Variants in TRAPPC12 observed in about 807,000 individuals in gnomAD.
TRAPPC12 encodes TPR repeat protein 15.
A neutral mutation model predicts 69.2 loss-of-function variants in TRAPPC12; 61 were observed. The ratio of observed to expected loss-of-function variants is 0.88; its 90% confidence interval spans 0.72 to 1.09. The LOEUF (loss-of-function observed/expected upper bound fraction) is 1.09, where lower values mean the gene tolerates loss of function less well. TRAPPC12 is among the 50% of genes least tolerant of loss of function. The probability of loss-of-function intolerance (pLI) is 0.00; values close to 1 mark genes in which losing one functional copy is unlikely to be tolerated. For synonymous variants in TRAPPC12, 469 were observed against 438.9 expected (o/e 1.07, Z -0.86); for missense variants, 1,101 against 1,016.4 (o/e 1.08, Z -1.13).
At chr2:3,427,078 G>C (rs1340488640) in intron 5 of TRAPPC12, among the ~76,000 whole-genome samples, 3 of 152,196 alleles carry the variant, frequency 2.0e-5, no homozygotes, top group African/African-American at 7.2e-5. Flanking sequence ...TGTTAATTGG[G>C]GAAGTTTGAG....
intron 9 of TRAPPC12, among the ~76,000 whole-genome samples, chr2:3,477,227 A>G (rs1666332596): frequency 6.6e-6 from 1 of 152,192 alleles, no homozygotes; most frequent in Non-Finnish European, 1.5e-5. Context: ...CTTGTTTTTT[A>G]CAGTTGAATT....
rs891135332 is a variant in TRAPPC12, at chr2:3,479,150, C to T, written c.1966-69C>T. The T allele has an allele frequency of 2.9e-5, 45 of 1,572,636 alleles. No homozygotes were observed. In the African/African-American group the frequency reaches 3.5e-4, roughly 12 times the overall value. ...CCCAGGCCCCTAACACGGCCCAGCA[C>T]GCAGCCTGGAATGGGCGGGCGTCTG... On this transcript the variant is annotated intron_variant, in intron 11 of 11. Transcript: ENST00000324266.
intron 6 of TRAPPC12, chr2:3,456,598 A>G (rs1665167247): frequency 6.5e-6 from 1 of 154,960 alleles, no homozygotes; most frequent in East Asian, 1.9e-4. Flanking sequence ...TTTTTTTTAA[A>G]GACAGGGTCT....
At chr2:3,421,615 T>C in intron 3 of TRAPPC12, 1 of 674,352 alleles carries the variant, frequency 1.5e-6, no homozygotes, top group Non-Finnish European at 2.8e-6. Flanking sequence ...GTTCTATCGG[T>C]TGTTGAATTG....
At position 3,424,513 on chromosome 2, in the gene TRAPPC12, T is replaced by C. The variant is rs1464535453; in HGVS notation, c.1279-12T>C. On this transcript the variant is annotated splice_polypyrimidine_tract_variant and intron_variant, in intron 4 of 11. Coordinates refer to ENST00000324266, the MANE Select transcript of TRAPPC12 (RefSeq NM_016030.6). ...TAGATAACCTATTGTTTCCATTGTA[T>C]TTTGTTTTTAGCTCTGGTTTGTCAG... The C allele has an allele frequency of 6.2e-7, 1 of 1,611,988 alleles. No homozygotes were observed. Among genetic ancestry groups the C allele is most frequent in the Non-Finnish European group, 8.5e-7 (1 of 1,179,460 alleles).
At chr2:3,477,867 G>A (rs927326958) in intron 10 of TRAPPC12, 72 bp downstream of exon 10, 8 of 1,002,722 alleles carry the variant, frequency 8.0e-6, no homozygotes, top group African/African-American at 6.7e-5. Flanking sequence ...TTACTGAGTT[G>A]GAAAGCTCCC....
chr2:3,424,284 C>T (rs563529504), intron 4 of TRAPPC12, among the ~76,000 whole-genome samples: 53 of 152,318 alleles, frequency 3.5e-4, no homozygotes, highest in African/African-American at 1.3e-3. Flanking sequence ...GACTCCTGGG[C>T]TCAAGCAATC....
intron 1 of TRAPPC12, among the ~76,000 whole-genome samples, chr2:3,384,370 A>G (rs1206207026): frequency 6.6e-6 from 1 of 152,198 alleles, no homozygotes; most frequent in African/African-American, 2.4e-5. Flanking sequence ...AATGTTGAAG[A>G]GGACATCTTT....
intron 1 of TRAPPC12, among the ~76,000 whole-genome samples, chr2:3,383,571 T>C (rs574915286): frequency 2.2e-4 from 33 of 151,882 alleles, no homozygotes; most frequent in Admixed American, 3.9e-4. Flanking sequence ...CACACCTGGC[T>C]AATTTTTGTA....
At chr2:3,434,249 G>A (rs1663625868) in intron 5 of TRAPPC12, among the ~76,000 whole-genome samples, 1 of 152,156 alleles carries the variant, frequency 6.6e-6, no homozygotes, top group Non-Finnish European at 1.5e-5. Context: ...GTAAATGTCA[G>A]CTCAGTGAAA....
At chr2:3,424,030 C>T (rs1293870283) in intron 4 of TRAPPC12, among the ~76,000 whole-genome samples, 1 of 152,180 alleles carries the variant, frequency 6.6e-6, no homozygotes, top group South Asian at 2.1e-4. Context: ...CCCATCCCTG[C>T]GCTTCCTCTC....
intron 9 of TRAPPC12, among the ~76,000 whole-genome samples, chr2:3,469,065 C>T (rs746486789): frequency 1.3e-5 from 2 of 152,218 alleles, no homozygotes; most frequent in Admixed American, 6.5e-5. Flanking sequence ...TCCGAAGGGA[C>T]GTAGCGCTCA....
At chr2:3,399,166 A>G (rs1196891497) in intron 2 of TRAPPC12, among the ~76,000 whole-genome samples, 3 of 152,246 alleles carry the variant, frequency 2.0e-5, no homozygotes, top group African/African-American at 4.8e-5. Flanking sequence ...TTGCTGTGGT[A>G]GCTAAAATAT....
At chr2:3,443,351 C>A (rs562994019) in intron 5 of TRAPPC12, among the ~76,000 whole-genome samples, 1 of 152,250 alleles carries the variant, frequency 6.6e-6, no homozygotes, top group Non-Finnish European at 1.5e-5. Flanking sequence ...GGCTGGCTTA[C>A]GGCTTCTCCC....
chr2:3,451,440 G>A (rs1004379633), intron 6 of TRAPPC12, among the ~76,000 whole-genome samples: 3 of 152,188 alleles, frequency 2.0e-5, no homozygotes, highest in African/African-American at 7.2e-5. Context: ...TCCAAGCAGC[G>A]TCTTCTCATG....
chr2:3,436,644 G>T (rs1354562723), intron 5 of TRAPPC12, among the ~76,000 whole-genome samples: 1 of 151,856 alleles, frequency 6.6e-6, no homozygotes, highest in Non-Finnish European at 1.5e-5. Flanking sequence ...CCTTCTGTGG[G>T]TTTCAACAAA....
At chr2:3,470,952 T>A (rs1666032941) in intron 9 of TRAPPC12, among the ~76,000 whole-genome samples, 1 of 152,178 alleles carries the variant, frequency 6.6e-6, no homozygotes, top group African/African-American at 2.4e-5. Context: ...ACAGTTGGGC[T>A]GAGAACACTG....
At chr2:3,420,280 G>A (rs1487126535) in intron 3 of TRAPPC12, among the ~76,000 whole-genome samples, 2 of 152,186 alleles carry the variant, frequency 1.3e-5, no homozygotes, top group Non-Finnish European at 2.9e-5. Flanking sequence ...CAGGTCACAC[G>A]GCTACTCAGG....
At chr2:3,476,446 G>A (rs1666294475) in intron 9 of TRAPPC12, among the ~76,000 whole-genome samples, 1 of 152,246 alleles carries the variant, frequency 6.6e-6, no homozygotes, top group South Asian at 2.1e-4. Context: ...AGTGGGCTGT[G>A]TGGCTGGAGA....
Sources: allele counts gnomAD v4.1 joint callset (sites outside exome capture counted in the v4.1 genomes callset), GRCh38; gene constraint gnomAD v4.1.1; transcripts MANE v1.5; gene names NCBI Gene and HGNC (gene_info 2026-07-23, HGNC 2026-07-21).